The following LRRN2 variants were observed in gnomAD, a reference collection of about 807,000 sequenced individuals.
The protein encoded by LRRN2 is leucine rich repeat neuronal 2.
In LRRN2, 10 loss-of-function variants were observed where a neutral mutation model predicts 35.7. The ratio of observed to expected loss-of-function variants is 0.28; its 90% CI spans 0.17 to 0.47. The LOEUF (loss-of-function observed/expected upper bound fraction) is 0.47. LRRN2 is among the 20% of genes least tolerant of loss of function. The probability of loss-of-function intolerance (pLI) is 0.99; values close to 1 mark genes in which losing one functional copy is unlikely to be tolerated. For missense variants in LRRN2, 731 were observed against 940.3 expected, an observed-to-expected ratio of 0.78 and a Z score of 2.91; for synonymous variants, 391 against 409.6, an observed-to-expected ratio of 0.95 and a Z score of 0.55.
At chr1:204,672,593 C>T (rs1668737090) in intron 1 of LRRN2, among the ~76,000 whole-genome samples, 1 of 152,210 alleles carries the variant, frequency 6.6e-6, no homozygotes, top group Admixed American at 6.5e-5. Flanking sequence ...GAGGAGGCTG[C>T]ATGGAGGCTG....
In LRRN2 at chr1:204,617,725, C is replaced by T; in HGVS notation, c.*126G>A. Reference sequence around the variant, plus strand: ...GCCACAAAGCCCCATCTGTCTTGGCCCAGCTGCCAGGCCTCAAGCACGTGG... The same window carrying T: ...GCCACAAAGCCCCATCTGTCTTGGCTCAGCTGCCAGGCCTCAAGCACGTGG... On this transcript the variant is annotated 3_prime_UTR_variant, in exon 2 of 2. Coordinates refer to ENST00000367177, the MANE Select transcript of LRRN2 (RefSeq NM_201630.2). 9.0e-7 allele frequency: 1 copy of T among 1,112,014 alleles called. No individual in the cohort carries two copies. The allele number at this position is 1,112,014 out of a possible 1,614,324, so 68.9% of individuals were successfully genotyped here. A position where few individuals can be genotyped will look rare whatever the true frequency, so the allele number is the denominator to read the frequency against.
chr1:204,643,118 T>C (rs1280303979), intron 1 of LRRN2, among the ~76,000 whole-genome samples: 1 of 152,220 alleles, frequency 6.6e-6, no homozygotes, highest in Non-Finnish European at 1.5e-5. Context: ...CACACTCTTC[T>C]AAAACAATTA....
intron 1 of LRRN2, among the ~76,000 whole-genome samples, chr1:204,636,405 T>C (rs1667834841): frequency 6.6e-6 from 1 of 152,252 alleles, no homozygotes; most frequent in African/African-American, 2.4e-5. Context: ...TTTTCAACTC[T>C]GGCTGCACCA....
chr1:204,673,928 C>T (rs563302916), intron 1 of LRRN2, among the ~76,000 whole-genome samples: 5 of 152,296 alleles, frequency 3.3e-5, no homozygotes, highest in South Asian at 4.1e-4. Flanking sequence ...CCTCTCCCCA[C>T]AGGACCAAGT....
intron 1 of LRRN2, among the ~76,000 whole-genome samples, chr1:204,675,342 T>C (rs895942090): frequency 6.6e-6 from 1 of 152,240 alleles, no homozygotes; most frequent in East Asian, 1.9e-4. Context: ...AGATGTATTC[T>C]CTTACAGTTC....
chr1:204,656,120 A>G (rs1349045703), intron 1 of LRRN2, among the ~76,000 whole-genome samples: 1 of 152,014 alleles, frequency 6.6e-6, no homozygotes, highest in Non-Finnish European at 1.5e-5. Flanking sequence ...CCTGTTAGCC[A>G]GGATGGTCTC....
rs561683221 is a variant in LRRN2 at position 204,621,661 on chromosome 1, C to A, written c.-226-1443G>T. ...GACATCACCCCTGCAATCAACAATG[C>A]AAGCCACTGCTGTTTCCTCCATCCT... On this transcript the variant is annotated intron_variant, in intron 1 of 1. Coordinates refer to ENST00000367177, the MANE Select transcript of LRRN2 (RefSeq NM_201630.2). The A allele has an allele frequency of 3.0e-5, 5 of 167,248 alleles. No individual in the cohort carries two copies. The South Asian group carries it at 1.0e-3, about 35-fold the overall frequency. The allele number at this position is 167,248 out of a possible 1,614,324, so 10.4% of individuals were successfully genotyped here. A position where few individuals can be genotyped will look rare whatever the true frequency, so the allele number is the denominator to read the frequency against.
chr1:204,668,115 C>T (rs1480623811), intron 1 of LRRN2, among the ~76,000 whole-genome samples: 2 of 152,208 alleles, frequency 1.3e-5, no homozygotes, highest in Non-Finnish European at 2.9e-5. Flanking sequence ...GAGGCCAGTG[C>T]TGGCCCCACC....
intron 1 of LRRN2, among the ~76,000 whole-genome samples, chr1:204,655,429 T>C (rs1432887250): frequency 6.6e-6 from 1 of 151,880 alleles, no homozygotes; most frequent in East Asian, 1.9e-4. Context: ...CTGGGACTAC[T>C]GGCATGTGCC....
chr1:204,645,038 T>C (rs10900418), intron 1 of LRRN2, among the ~76,000 whole-genome samples: 98,249 of 152,122 alleles, frequency 0.65, 32,027 homozygotes, highest in East Asian at 0.86. Context: ...GCCAGCTATC[T>C]AGTACTTTCT....
At chr1:204,622,399 C>T (rs936169009) in intron 1 of LRRN2, among the ~76,000 whole-genome samples, 1 of 152,224 alleles carries the variant, frequency 6.6e-6, no homozygotes, top group Non-Finnish European at 1.5e-5. Flanking sequence ...AGGAACACAG[C>T]AAGCCTATTT....
At chr1:204,631,096 C>T (rs1283943935) in intron 1 of LRRN2, among the ~76,000 whole-genome samples, 1 of 144,208 alleles carries the variant, frequency 6.9e-6, no homozygotes, top group East Asian at 2.1e-4. Flanking sequence ...ATCAGAAACT[C>T]TGAGGGTGGG....
At chr1:204,657,641 T>C (rs981786765) in intron 1 of LRRN2, among the ~76,000 whole-genome samples, 2 of 152,110 alleles carry the variant, frequency 1.3e-5, no homozygotes, top group Admixed American at 6.6e-5. Context: ...AATGAGAATG[T>C]TTTAGAATTA....
intron 1 of LRRN2, among the ~76,000 whole-genome samples, chr1:204,635,670 A>G (rs1251966251): frequency 1.3e-5 from 2 of 152,228 alleles, no homozygotes; most frequent in African/African-American, 4.8e-5. Context: ...ACCCACTCAT[A>G]CTTAACACCA....
At chr1:204,638,313 C>T (rs11240231) in intron 1 of LRRN2, among the ~76,000 whole-genome samples, 16,497 of 151,432 alleles carry the variant, frequency 0.11, 1,267 homozygotes, top group African/African-American at 0.22. Flanking sequence ...AATCCCCCCG[C>T]ACCGTTGGAG....
chr1:204,632,376 A>G (rs1485767697), intron 1 of LRRN2, among the ~76,000 whole-genome samples: 1 of 151,990 alleles, frequency 6.6e-6, no homozygotes, highest in Non-Finnish European at 1.5e-5. Flanking sequence ...CACACCTGTA[A>G]TCCCAGCACT....
intron 1 of LRRN2, among the ~76,000 whole-genome samples, chr1:204,631,213 G>T (rs1667682925): frequency 8.1e-6 from 1 of 123,284 alleles, no homozygotes; most frequent in African/African-American, 3.1e-5. Context: ...CTCCAGCTCA[G>T]ATTAGAAGTC....
intron 1 of LRRN2, among the ~76,000 whole-genome samples, chr1:204,669,119 C>T (rs1237739404): frequency 6.6e-6 from 1 of 152,218 alleles, no homozygotes; most frequent in Admixed American, 6.5e-5. Flanking sequence ...GCCACTGCGC[C>T]TGACTGTAAA....
intron 1 of LRRN2, among the ~76,000 whole-genome samples, chr1:204,626,540 C>T (rs1304385112): frequency 3.9e-5 from 6 of 152,134 alleles, no homozygotes; most frequent in South Asian, 2.1e-4. Context: ...TCCCCTGTGA[C>T]GCTTTCCCTT....
Sources: allele counts gnomAD v4.1 joint callset (sites outside exome capture counted in the v4.1 genomes callset), GRCh38; gene constraint gnomAD v4.1.1; transcripts MANE v1.5; gene names NCBI Gene and HGNC (gene_info 2026-07-23, HGNC 2026-07-21).